The following IQCM variants were observed in gnomAD, a reference collection of about 807,000 sequenced individuals.
IQCM encodes IQ motif containing M.
IQCM carries 45 observed loss-of-function variants against 57.6 expected under a neutral mutation model. That is an observed-to-expected ratio of 0.78 (90% CI 0.62 to 1.00). The LOEUF (loss-of-function observed/expected upper bound fraction) is 1.00, where lower values mean the gene tolerates loss of function less well. Ranked by LOEUF, IQCM falls within the 50% of genes least tolerant of loss-of-function variation. The pLI is 0.00. For synonymous variants in IQCM, 148 were observed against 158.9 expected (o/e 0.93, Z 0.51); for missense variants, 468 against 511.6 (o/e 0.91, Z 0.82).
At chr4:149,697,812 A>G (rs1016816137) in intron 5 of IQCM, among the ~76,000 whole-genome samples, 2 of 152,104 alleles carry the variant, frequency 1.3e-5, no homozygotes, top group African/African-American at 4.8e-5. Flanking sequence ...CAACTATATC[A>G]TCAATGTCAA....
chr4:149,405,662 T>C (rs1301309470), intron 13 of IQCM, among the ~76,000 whole-genome samples: 1 of 151,894 alleles, frequency 6.6e-6, no homozygotes, highest in African/African-American at 2.4e-5. Flanking sequence ...TCACTTAATG[T>C]TGAAATATGC....
intron 2 of IQCM, among the ~76,000 whole-genome samples, chr4:149,755,941 T>C (rs1363138890): frequency 1.3e-5 from 2 of 152,184 alleles, no homozygotes; most frequent in Non-Finnish European, 2.9e-5. Context: ...ACACCATTGG[T>C]ACCAAAGTCC....
chr4:149,622,864 T>C (rs538574091), intron 7 of IQCM, among the ~76,000 whole-genome samples: 2 of 152,128 alleles, frequency 1.3e-5, no homozygotes, highest in Non-Finnish European at 2.9e-5. Context: ...AAGCAATATC[T>C]CATATTTTAG....
chr4:149,699,757 T>C (rs995743631), intron 5 of IQCM, among the ~76,000 whole-genome samples: 4 of 144,982 alleles, frequency 2.8e-5, no homozygotes, highest in African/African-American at 7.8e-5. Flanking sequence ...TTGACGGAGA[T>C]TTAGAGGCAC....
intron 13 of IQCM, among the ~76,000 whole-genome samples, chr4:149,372,154 C>G (rs1730411042): frequency 6.6e-6 from 1 of 152,182 alleles, no homozygotes; most frequent in African/African-American, 2.4e-5. Flanking sequence ...CCCACAGTAA[C>G]TGCAGTTGAC....
At chr4:149,425,754 C>A (rs1043519559) in intron 13 of IQCM, among the ~76,000 whole-genome samples, 8 of 151,892 alleles carry the variant, frequency 5.3e-5, no homozygotes, top group African/African-American at 1.9e-4. Flanking sequence ...GTCAAACTGA[C>A]AAATAAAATT....
intron 7 of IQCM, among the ~76,000 whole-genome samples, chr4:149,678,567 G>A (rs993052837): frequency 6.6e-6 from 1 of 151,542 alleles, no homozygotes. Flanking sequence ...AGACACTAAT[G>A]TGTTTTTAAA....
intron 7 of IQCM, among the ~76,000 whole-genome samples, chr4:149,643,434 C>A (rs1300442719): frequency 6.6e-6 from 1 of 152,118 alleles, no homozygotes; most frequent in Non-Finnish European, 1.5e-5. Context: ...AGCAACTCTA[C>A]CAGAGGAAGT....
At chr4:149,477,657 C>T (rs1740341283) in intron 12 of IQCM, among the ~76,000 whole-genome samples, 1 of 152,108 alleles carries the variant, frequency 6.6e-6, no homozygotes, top group Non-Finnish European at 1.5e-5. Flanking sequence ...TGAAATTATG[C>T]TTTCAGAATG....
chr4:149,356,159 A>G (rs917668669), intron 13 of IQCM, among the ~76,000 whole-genome samples: 3 of 152,040 alleles, frequency 2.0e-5, no homozygotes, highest in African/African-American at 4.8e-5. Flanking sequence ...TTGTCAGATG[A>G]GTAAGTTGCA....
chr4:149,778,131 C>T (rs959225605), intron 2 of IQCM, among the ~76,000 whole-genome samples: 10 of 152,226 alleles, frequency 6.6e-5, no homozygotes, highest in Admixed American at 2.0e-4. Context: ...AATCCCAGCA[C>T]TTTGGGAGGC....
At chr4:149,675,938 G>A (rs187098019) in intron 7 of IQCM, among the ~76,000 whole-genome samples, 260 of 152,114 alleles carry the variant, frequency 1.7e-3, no homozygotes, top group Non-Finnish European at 2.6e-3. Context: ...TAAGCCCAGA[G>A]CTTTGAAGAG....
chr4:149,497,960 C>T (rs553683453), intron 12 of IQCM, among the ~76,000 whole-genome samples: 8 of 152,206 alleles, frequency 5.3e-5, no homozygotes, highest in African/African-American at 1.9e-4. Context: ...TGCTCTGATG[C>T]TCCAAAGATG....
At chr4:149,763,372 A>C (rs1338270822) in intron 2 of IQCM, among the ~76,000 whole-genome samples, 1 of 152,062 alleles carries the variant, frequency 6.6e-6, no homozygotes, top group African/African-American at 2.4e-5. Context: ...TGCATGTTGA[A>C]TTGAGGATAT....
intron 12 of IQCM, among the ~76,000 whole-genome samples, chr4:149,435,572 T>TAAA (rs112641970): frequency 9.3e-5 from 13 of 139,806 alleles, no homozygotes; most frequent in African/African-American, 3.1e-4. Context: ...TTCTACTTAT[T>TAAA]AAAAAAAAAA....
At chr4:149,365,049 T>C (rs1729739757) in intron 13 of IQCM, among the ~76,000 whole-genome samples, 2 of 152,100 alleles carry the variant, frequency 1.3e-5, no homozygotes, top group East Asian at 3.9e-4. Flanking sequence ...TTCTACCCTC[T>C]GAGAGGGCCT....
At chr4:149,481,704 T>TTTTTTTTTTG (rs1553975393) in intron 12 of IQCM, among the ~76,000 whole-genome samples, 1 of 134,710 alleles carries the variant, frequency 7.4e-6, no homozygotes, top group Non-Finnish European at 1.6e-5. Flanking sequence ...CAGTTTTGTT[T>TTTTTTTTTTG]TTTTTTTTTT....
chr4:149,757,151 A>G (rs1192899023), intron 2 of IQCM, among the ~76,000 whole-genome samples: 2 of 151,870 alleles, frequency 1.3e-5, no homozygotes, highest in Non-Finnish European at 2.9e-5. Context: ...CCAGCTACTC[A>G]GGAGGCTGAG....
At position 149,588,478 on chromosome 4, in the gene IQCM, G is replaced by A. The variant is rs569982280; in HGVS notation, c.682-481C>T. Among the ~76,000 whole-genome samples the A allele has an allele frequency of 1.5e-3, 227 of 151,914 alleles. 1 individual carries two copies. The highest frequency in any genetic ancestry group is 5.1e-3 in the African/African-American group (211 of 41,490). ...ATTGAGGTGTTATGGACTGAACTGT[G>A]CTTCCCCTAAATCCATATGTCAAAG... is the stretch of plus-strand genomic sequence containing the variant. On this transcript the variant is annotated intron_variant, in intron 8 of 13. Transcript: ENST00000636793.
Sources: allele counts gnomAD v4.1 joint callset (sites outside exome capture counted in the v4.1 genomes callset), GRCh38; gene constraint gnomAD v4.1.1; transcripts MANE v1.5; gene names NCBI Gene and HGNC (gene_info 2026-07-23, HGNC 2026-07-21).